SPON2: variants seen among roughly 807,000 people sequenced by gnomAD.
The protein encoded by SPON2 is spondin 2, also known as spondin-2.
A neutral mutation model predicts 29.9 loss-of-function variants in SPON2; 32 were observed. The ratio of observed to expected loss-of-function variants is 1.07; its 90% CI spans 0.81 to 1.44. SPON2 has a LOEUF of 1.44. SPON2 is among the 40% of genes most tolerant of loss of function. The probability of loss-of-function intolerance (pLI) is 0.00; values close to 1 mark genes in which losing one functional copy is unlikely to be tolerated. For synonymous variants in SPON2, 248 were observed against 209.1 expected, an observed-to-expected ratio of 1.19 and a Z score of -1.61; for missense variants, 541 against 455.5, an observed-to-expected ratio of 1.19 and a Z score of -1.71.
chr4:1,201,361 C>T, intron 1 of SPON2: 1 of 338,182 alleles, frequency 3.0e-6, no homozygotes, highest in Non-Finnish European at 5.9e-6. Context: ...CTGTGGGTTT[C>T]TCCAGGCCAG....
intron 1 of SPON2, chr4:1,200,930 C>T (rs530015951): frequency 1.8e-5 from 8 of 456,750 alleles, no homozygotes; most frequent in African/African-American, 1.6e-4. Context: ...TGTGGGCACC[C>T]CCGTGCCCTC....
At chr4:1,187,954 C>A (rs1031322086) in intron 1 of SPON2, among the ~76,000 whole-genome samples, 24 of 151,920 alleles carry the variant, frequency 1.6e-4, no homozygotes, top group Admixed American at 1.4e-3. Context: ...ATAATCCCAG[C>A]ACTTTGGGAG....
intron 1 of SPON2, among the ~76,000 whole-genome samples, chr4:1,186,143 C>T (rs1045638000): frequency 2.7e-5 from 4 of 150,480 alleles, no homozygotes; most frequent in African/African-American, 9.8e-5. Flanking sequence ...ACTCAGGAGG[C>T]TGAGGCAGGA....
At chr4:1,200,440 A>T (rs1728169473) in intron 1 of SPON2, among the ~76,000 whole-genome samples, 1 of 152,004 alleles carries the variant, frequency 6.6e-6, no homozygotes, top group Non-Finnish European at 1.5e-5. Flanking sequence ...GGTGCAGGCT[A>T]AGCGAGGATG....
At chr4:1,208,050 CAGGGCCCAGTGGCCAGATGG>C (rs2108687123) in exon 1 of SPON2, 1 of 152,846 alleles carries the variant, frequency 6.5e-6, no homozygotes, top group South Asian at 2.1e-4. Context: ...GCGCCGGGCT[CAGGGCCCAGTGGCCAGATGG>C]TTTTCTTTGC....
intron 5 of SPON2, 50 bp from the exon 6 acceptor site, chr4:1,167,706 C>G (rs763397851): frequency 1.3e-6 from 2 of 1,531,606 alleles, no homozygotes; most frequent in South Asian, 2.5e-5. Flanking sequence ...TGAAGAGGCG[C>G]TTCGTACAAA....
chr4:1,176,691 C>A (rs1162101181), upstream of SPON2, among the ~76,000 whole-genome samples: 1 of 151,992 alleles, frequency 6.6e-6, no homozygotes, highest in Non-Finnish European at 1.5e-5. Flanking sequence ...CATCCATTCA[C>A]ACAGTACATT....
At chr4:1,201,384 C>T in intron 1 of SPON2, 5 of 321,286 alleles carry the variant, frequency 1.6e-5, no homozygotes, top group South Asian at 1.3e-4. Flanking sequence ...CTGTGGTCAG[C>T]AATGCAGGCA....
intron 1 of SPON2, among the ~76,000 whole-genome samples, chr4:1,183,919 A>G (rs1363974377): frequency 6.6e-6 from 1 of 152,222 alleles, no homozygotes; most frequent in Non-Finnish European, 1.5e-5. Context: ...TATAACGCAA[A>G]TAGAAAACAA....
At position 1,201,480 on chromosome 4, in the gene SPON2, G is replaced by A. The variant is rs117728513; in HGVS notation, c.-234+6400C>T. The A allele has an allele frequency of 9.6e-4, 176 of 183,212 alleles. 2 individuals are homozygous for A. The East Asian group carries it at 0.026, about 27-fold the overall frequency. 11.3% of individuals were successfully genotyped at this position (183,212 alleles called of 1,614,324 possible). On this transcript the variant is annotated intron_variant, in intron 1 of 3. Transcript: ENST00000509233. Reference sequence around the variant, plus strand: ...AGGAGGCCCTGAGAGAGAAGGTGCCGTTACATGCACGTGACCACAGAGAAG... The same window carrying A: ...AGGAGGCCCTGAGAGAGAAGGTGCCATTACATGCACGTGACCACAGAGAAG...
At chr4:1,172,316 G>C (rs1727486487) in intron 1 of SPON2, 1 of 580,408 alleles carries the variant, frequency 1.7e-6, no homozygotes, top group East Asian at 2.9e-5. Flanking sequence ...TTTTCAGTCC[G>C]AGTCCCTGCA....
intron 1 of SPON2, among the ~76,000 whole-genome samples, chr4:1,190,562 C>T (rs1727892902): frequency 6.6e-6 from 1 of 152,148 alleles, no homozygotes; most frequent in Non-Finnish European, 1.5e-5. Flanking sequence ...CTTAATCCAG[C>T]AACATTTTCG....
At chr4:1,188,031 G>A (rs190650740) in intron 1 of SPON2, among the ~76,000 whole-genome samples, 61 of 150,810 alleles carry the variant, frequency 4.0e-4, no homozygotes, top group Middle Eastern at 3.4e-3. Context: ...ATGAAACACC[G>A]TCTCTACTAA....
At chr4:1,201,243 A>G (rs554243449) in intron 1 of SPON2, 2 of 404,810 alleles carry the variant, frequency 4.9e-6, no homozygotes, top group Non-Finnish European at 1.0e-5. Context: ...GCCCTGTGCC[A>G]TGCTGGGGCC....
intron 1 of SPON2, among the ~76,000 whole-genome samples, chr4:1,187,760 A>G (rs1280295795): frequency 1.3e-5 from 2 of 152,168 alleles, no homozygotes; most frequent in Non-Finnish European, 2.9e-5. Flanking sequence ...ATGTTTACAC[A>G]TCATTTGACT....
intron 2 of SPON2, among the ~76,000 whole-genome samples, chr4:1,178,374 C>T (rs1727645398): frequency 6.6e-6 from 1 of 151,814 alleles, no homozygotes; most frequent in African/African-American, 2.4e-5. Context: ...GGGATGGGGC[C>T]ACATGGTCCA....
Position 1,178,247 on chromosome 4 carries a change from C to T in SPON2, c.-145+1201G>A, listed in dbSNP as rs551105998. On this transcript the variant is annotated intron_variant, in intron 2 of 3. Transcript: ENST00000502483. ...TCTGCACACACCGAGGGCCTCCCTC[C>T]GGCCAGGCACCATGGGCTCTGCACA... 3.9e-3 allele frequency among the ~76,000 whole-genome samples: 580 copies of T among 149,938 alleles called. 7 individuals carry two copies. Among genetic ancestry groups the T allele is most frequent in the African/African-American group, 0.012 (497 of 40,348 alleles).
chr4:1,186,977 A>C (rs529118291), intron 1 of SPON2, among the ~76,000 whole-genome samples: 91 of 152,360 alleles, frequency 6.0e-4, no homozygotes, highest in African/African-American at 2.1e-3. Context: ...AGAGTTCCTC[A>C]AAAAATTAGA....
intron 1 of SPON2, among the ~76,000 whole-genome samples, chr4:1,186,198 C>T (rs1421990069): frequency 1.4e-5 from 2 of 145,586 alleles, no homozygotes; most frequent in Middle Eastern, 3.7e-3. Context: ...GAGCTGAGAT[C>T]GGGCCACTAT....
Sources: allele counts gnomAD v4.1 joint callset (sites outside exome capture counted in the v4.1 genomes callset), GRCh38; gene constraint gnomAD v4.1.1; transcripts MANE v1.5; gene names NCBI Gene and HGNC (gene_info 2026-07-23, HGNC 2026-07-21).